Variants in ZDHHC22 observed in about 807,000 individuals in gnomAD.
ZDHHC22 encodes the protein zDHHC palmitoyltransferase 22.
Under a neutral mutation model 17.0 loss-of-function variants are expected in ZDHHC22, and 13 were observed. The ratio of observed to expected loss-of-function variants is 0.76; its 90% CI spans 0.50 to 1.21. The LOEUF is 1.21. Among genes scored for constraint, ZDHHC22 ranks in the 50% most tolerant of loss-of-function variants. ZDHHC22 has a pLI of 0.00. For synonymous variants in ZDHHC22, 138 were observed against 154.7 expected (o/e 0.89, Z 0.80); for missense variants, 319 against 342.3 (o/e 0.93, Z 0.54).
At chr14:77,135,389 C>G (rs758992132) in intron 2 of ZDHHC22, among the ~76,000 whole-genome samples, 11 of 152,200 alleles carry the variant, frequency 7.2e-5, no homozygotes, top group Non-Finnish European at 4.4e-5. Context: ...GACTCAGCAG[C>G]CATGGAGGAT....
At position 77,132,033 on chromosome 14, in the gene ZDHHC22, G is replaced by A. The variant is rs1173214657; in HGVS notation, c.*1650C>T. The A allele has an allele frequency of 6.6e-6, 1 of 152,222 alleles. No homozygotes were observed. Among genetic ancestry groups the A allele is most frequent in the African/African-American group, 2.4e-5 (1 of 41,422 alleles). The allele number at this position is 152,222 out of a possible 1,614,324, so 9.4% of individuals were successfully genotyped here. A position where few individuals can be genotyped will look rare whatever the true frequency, so the allele number is the denominator to read the frequency against. ...TATCAGCGGGTCACTGCAGTTGGCGGTTGGACATTGCAGGGCATGGATTCA... is the reference window on the plus strand; with the variant it reads ...TATCAGCGGGTCACTGCAGTTGGCGATTGGACATTGCAGGGCATGGATTCA... On this transcript the variant is annotated 3_prime_UTR_variant, in exon 3 of 3. Transcript: ENST00000319374.
chr14:77,139,797 C>A, intron 1 of ZDHHC22, 45 bp from the exon 2 acceptor site: 1 of 1,443,632 alleles, frequency 6.9e-7, no homozygotes. Flanking sequence ...CTACGGCGTC[C>A]AGGGGGCGCC....
At chr14:77,136,082 T>C (rs1887130669) in intron 2 of ZDHHC22, among the ~76,000 whole-genome samples, 1 of 152,160 alleles carries the variant, frequency 6.6e-6, no homozygotes, top group South Asian at 2.1e-4. Context: ...CTTTGACAAA[T>C]AATCACCCAG....
At chr14:77,134,082 AGC>A (rs1887089611) in intron 2 of ZDHHC22, 134 bp from the exon 3 acceptor site, 1 of 1,166,808 alleles carries the variant, frequency 8.6e-7, no homozygotes. Flanking sequence ...TAGCAACCTC[AGC>A]GCTGCAGCTG....
chr14:77,139,321 A>C lies in ZDHHC22; in HGVS notation c.418T>G (p.Ser140Ala). The change falls in exon 2 of 3, where the codon TCC becomes GCC. Residue 140 changes from serine (S) to alanine (A), a missense_variant. By Grantham distance (99) the Ser-to-Ala change is moderately conservative. Transcript: ENST00000319374. ...ATGTAGGCCACGCCGGCCACCATGGAGTAGAGGCAGGCCAGGGAGGTGTAG... is the reference window on the plus strand; with the variant it reads ...ATGTAGGCCACGCCGGCCACCATGGCGTAGAGGCAGGCCAGGGAGGTGTAG... ...CLYTSLACLY[S>A]MVAGVAYISA... 1 of 1,601,328 alleles carries C rather than the reference A, an allele frequency of 6.2e-7. No homozygotes were observed. Among genetic ancestry groups the C allele is most frequent in the Non-Finnish European group, 8.5e-7 (1 of 1,174,160 alleles).
intron 2 of ZDHHC22, among the ~76,000 whole-genome samples, chr14:77,136,432 C>CCCA (rs1887137808): frequency 6.6e-6 from 1 of 152,210 alleles, no homozygotes. Flanking sequence ...TCTTACTGGA[C>CCCA]TTTCTGGTAG....
chr14:77,139,167 G>C (rs760403071), intron 2 of ZDHHC22, 46 bp downstream of exon 2: 1 of 1,522,278 alleles, frequency 6.6e-7, no homozygotes, highest in South Asian at 1.2e-5. Flanking sequence ...CTTTGGGGTG[G>C]GAGGTCTTTG....
chr14:77,141,219 C>T (rs1594832518), intron 1 of ZDHHC22: 1 of 152,196 alleles, frequency 6.6e-6, no homozygotes, highest in African/African-American at 2.4e-5. Context: ...CGGCCTGGGG[C>T]TCCGGCGAAG....
At chr14:77,137,554 C>T (rs988327312) in intron 2 of ZDHHC22, among the ~76,000 whole-genome samples, 1 of 142,054 alleles carries the variant, frequency 7.0e-6, no homozygotes, top group Non-Finnish European at 1.5e-5. Flanking sequence ...CACCCACCCT[C>T]CCCCGTCCTG....
At position 77,135,020 on chromosome 14, in the gene ZDHHC22, T is replaced by C. The variant is rs150413859; in HGVS notation, c.527-1072A>G. On this transcript the variant is annotated intron_variant, in intron 2 of 2. Transcript: ENST00000319374. ...CAACTCCTGAAACTATCAAGCTTTT[T>C]CCTTCTCCTTTTCAGGGCTTAGAGT... Among the ~76,000 whole-genome samples the C allele has an allele frequency of 9.0e-3, 1,369 of 152,308 alleles. 9 individuals carry two copies. The highest frequency in any genetic ancestry group is 0.013 in the Non-Finnish European group (892 of 68,020).
chr14:77,139,395 C>T lies in ZDHHC22; in HGVS notation c.344G>A (p.Gly115Asp), dbSNP rs368761160. ...LRHDHHCFFT[G>D]NCIGSRNMRN... ...CATGTTCCTGCTGCCGATGCAGTTG[C>T]CGGTGAAGAAACAGTGATGGTCGTG... is the stretch of plus-strand genomic sequence containing the variant. Residue 115 changes from glycine to aspartate, a missense_variant, in exon 2 of 3, where the codon GGC (glycine) becomes GAC (aspartate). Physicochemically the swap from Gly to Asp is moderately conservative, Grantham distance 94 (BLOSUM62 -1). Transcript: ENST00000319374. 1 of 1,608,028 alleles carries T rather than the reference C, an allele frequency of 6.2e-7. No individual in the cohort carries two copies. The highest frequency in any genetic ancestry group is 2.2e-5 in the East Asian group (1 of 44,650).
rs1887088526 is a variant in ZDHHC22, at chr14:77,134,032, CGGGA to C, written c.527-88_527-85del. The C allele has an allele frequency of 3.5e-6, 5 of 1,435,288 alleles. No individual in the cohort carries two copies. In the South Asian group the frequency reaches 4.5e-5, roughly 13 times the overall value. 88.9% of individuals were successfully genotyped at this position (1,435,288 alleles called of 1,614,324 possible). On this transcript the variant is annotated intron_variant, in intron 2 of 2. Transcript: ENST00000319374. ...ACTGCGATCTAGGCAGGCTTTCCAC[CGGGA>C]GGGAGGGAGATTAATGAGATTGACG...
chr14:77,137,145 G>A (rs1164444688), intron 2 of ZDHHC22, among the ~76,000 whole-genome samples: 3 of 152,160 alleles, frequency 2.0e-5, no homozygotes, highest in Admixed American at 6.5e-5. Flanking sequence ...CAAACAGGTG[G>A]GGTGTATGTC....
intron 2 of ZDHHC22, among the ~76,000 whole-genome samples, chr14:77,137,014 A>G (rs1201222579): frequency 6.6e-6 from 1 of 152,104 alleles, no homozygotes; most frequent in African/African-American, 2.4e-5. Flanking sequence ...CTCAATTTCT[A>G]TTAAACAACC....
At chr14:77,138,833 A>G (rs908591248) in intron 2 of ZDHHC22, among the ~76,000 whole-genome samples, 4 of 152,194 alleles carry the variant, frequency 2.6e-5, no homozygotes, top group Non-Finnish European at 4.4e-5. Context: ...GGCTACATGG[A>G]GGAATGGCCA....
intron 2 of ZDHHC22, among the ~76,000 whole-genome samples, chr14:77,138,572 A>C (rs1026585512): frequency 2.6e-5 from 4 of 151,890 alleles, no homozygotes; most frequent in Admixed American, 6.6e-5. Context: ...AAAAAAAAAA[A>C]ACAAAAAACC....
At chr14:77,141,546 C>T (rs1394409876) in intron 1 of ZDHHC22, 57 bp downstream of exon 1, 1 of 154,708 alleles carries the variant, frequency 6.5e-6, no homozygotes, top group African/African-American at 2.4e-5. Flanking sequence ...GAAGCCGCCC[C>T]CCGCGCCGCC....
intron 2 of ZDHHC22, among the ~76,000 whole-genome samples, chr14:77,137,270 G>A (rs1417492514): frequency 6.6e-6 from 1 of 152,202 alleles, no homozygotes; most frequent in Non-Finnish European, 1.5e-5. Context: ...GATATGGTGA[G>A]GAAGTGAAAG....
chr14:77,133,468 C>T lies in ZDHHC22; in HGVS notation c.*215G>A. ...TAACAGCTAGCAGCCACCTGGCTGG[C>T]TCGTGAGGAGCCTAGAAATGCCTGG... On this transcript the variant is annotated 3_prime_UTR_variant, in exon 3 of 3. Transcript: ENST00000319374. 1 of 628,850 alleles carries T rather than the reference C, an allele frequency of 1.6e-6. No homozygotes were observed. Among genetic ancestry groups the T allele is most frequent in the Non-Finnish European group, 2.5e-6 (1 of 394,370 alleles). 39.0% of individuals were successfully genotyped at this position (628,850 alleles called of 1,614,324 possible). A position where few individuals can be genotyped will look rare whatever the true frequency, so the allele number is the denominator to read the frequency against.
Sources: gnomAD v4.1 joint callset for allele counts (sites outside exome capture counted in the v4.1 genomes callset) on GRCh38, gnomAD v4.1.1 for gene constraint, MANE v1.5 for transcripts, NCBI Gene and HGNC (gene_info 2026-07-23, HGNC 2026-07-21) for gene names.